USP42: variants seen among roughly 807,000 people sequenced by gnomAD.
The protein encoded by USP42 is ubiquitin specific peptidase 42.
In USP42, 23 loss-of-function variants were observed where a neutral mutation model predicts 113.0. The ratio of observed to expected loss-of-function variants is 0.20; its 90% CI spans 0.15 to 0.29. The LOEUF (loss-of-function observed/expected upper bound fraction) is 0.29, where lower values mean the gene tolerates loss of function less well. USP42 is among the 10% of genes least tolerant of loss of function. USP42 has a pLI of 1.00. For missense variants in USP42, 2,174 were observed against 1,779.8 expected (o/e 1.22, Z -3.99); for synonymous variants, 933 against 699.0 (o/e 1.33, Z -5.28).
chr7:6,095,664 G>T, the USP42 span, among the ~76,000 whole-genome samples: 2 of 150,918 alleles, frequency 1.3e-5, no homozygotes, highest in Non-Finnish European at 2.9e-5. Flanking sequence ...GCAAGACTCC[G>T]TCTAAAAAAC....
chr7:6,132,114 A>G (rs1780882165), intron 3 of USP42, among the ~76,000 whole-genome samples: 1 of 152,114 alleles, frequency 6.6e-6, no homozygotes, highest in Non-Finnish European at 1.5e-5. Context: ...TTGTAGAGAC[A>G]GGATTTTGGC....
rs988783059 is a variant in USP42, at chr7:6,159,335, G to C, written c.3944-115G>C. 16 of 1,394,774 alleles carry C rather than the reference G, an allele frequency of 1.1e-5. No individual in the cohort carries two copies. Among genetic ancestry groups the C allele is most frequent in the Admixed American group, 1.9e-5 (1 of 53,466 alleles). The allele number at this position is 1,394,774 out of a possible 1,614,324, so 86.4% of individuals were successfully genotyped here. A position where few individuals can be genotyped will look rare whatever the true frequency, so the allele number is the denominator to read the frequency against. On this transcript the variant is annotated intron_variant, in intron 16 of 17. Coordinates refer to ENST00000306177, the MANE Select transcript of USP42 (RefSeq NM_032172.3). The surrounding 1 kb of genome is among the most constrained non-coding windows in gnomAD (Gnocchi z 4.1). ...ACCTCACTGGGGAGTGGCCTCAGGC[G>C]CTCACAGGGAACCGCAGTGACTCTG...
intron 3 of USP42, among the ~76,000 whole-genome samples, chr7:6,127,356 G>A (rs1407925592): frequency 6.6e-6 from 1 of 151,974 alleles, no homozygotes; most frequent in Non-Finnish European, 1.5e-5. Context: ...ATATCTCTTT[G>A]CCTAGCTCTT....
intron 15 of USP42, 84 bp downstream of exon 15, chr7:6,155,279 A>C: frequency 6.9e-7 from 1 of 1,440,512 alleles, no homozygotes; most frequent in Non-Finnish European, 9.1e-7. Flanking sequence ...ACTCAGGAAC[A>C]AGTGACCAGC....
chr7:6,109,473 A>G (rs559266920), intron 1 of USP42, among the ~76,000 whole-genome samples: 70 of 152,148 alleles, frequency 4.6e-4, no homozygotes, highest in African/African-American at 1.6e-3. Flanking sequence ...GCTCACTGCA[A>G]TCTCTGCCTT....
At chr7:6,151,133 C>T (rs186301821) in intron 14 of USP42, among the ~76,000 whole-genome samples, 64 of 152,312 alleles carry the variant, frequency 4.2e-4, no homozygotes, top group African/African-American at 1.4e-3. Flanking sequence ...AAAACTGGCA[C>T]ACCTGCACAG....
chr7:6,159,418 T>G lies in USP42; in HGVS notation c.3944-32T>G. 1 of 1,613,826 alleles carries G rather than the reference T, an allele frequency of 6.2e-7. No homozygotes were observed. The highest frequency in any genetic ancestry group is 8.5e-7 in the Non-Finnish European group (1 of 1,179,848). Reference sequence around the variant, plus strand: ...GGCCCTGGCGATTTTGCAACCATCATTAAAATCTCTTTCCTGACCTTTGCT... The same window carrying G: ...GGCCCTGGCGATTTTGCAACCATCAGTAAAATCTCTTTCCTGACCTTTGCT... On this transcript the variant is annotated intron_variant, in intron 16 of 17. Coordinates refer to ENST00000306177, the MANE Select transcript of USP42 (RefSeq NM_032172.3). The surrounding 1 kb of genome is among the most constrained non-coding windows in gnomAD (Gnocchi z 4.1).
In USP42 at chr7:6,154,599, C is replaced by T. The variant is rs199684634; in HGVS notation, c.3045C>T (p.Gly1015=). ...RLSPGERRSL[G]RCSHHHSRHR... Reference sequence around the variant, plus strand: ...GCCCTGGCGAGCGCCGCTCTCTGGGCAGGTGCAGTCACCACCACTCCCGAC... The same window carrying T: ...GCCCTGGCGAGCGCCGCTCTCTGGGTAGGTGCAGTCACCACCACTCCCGAC... The change falls in exon 15 of 18, where the codon GGC becomes GGT. Residue 1015 remains glycine (G), a synonymous_variant. Transcript: ENST00000306177. 6.6e-3 allele frequency: 10,477 copies of T among 1,583,398 alleles called. 48 individuals carry two copies. Among genetic ancestry groups the T allele is most frequent in the Non-Finnish European group, 7.5e-3 (8,796 of 1,166,976 alleles).
chr7:6,111,870 C>T (rs1779616965), intron 2 of USP42: 1 of 153,604 alleles, frequency 6.5e-6, no homozygotes, highest in Admixed American at 6.5e-5. Context: ...ACCTCAGCGT[C>T]CTGAAGTGCT....
At chr7:6,124,636 A>G (rs1024304599) in intron 3 of USP42, among the ~76,000 whole-genome samples, 7 of 152,076 alleles carry the variant, frequency 4.6e-5, no homozygotes, top group Non-Finnish European at 1.0e-4. Context: ...TCTGCCTTTT[A>G]TTTTGAGGCA....
At chr7:6,102,109 ATTTT>A (rs370131326), upstream of USP42, among the ~76,000 whole-genome samples, 10 of 121,628 alleles carry the variant, frequency 8.2e-5, no homozygotes, top group Non-Finnish European at 6.6e-5. Flanking sequence ...GTCTCCTAAG[ATTTT>A]TTTTTTTTTT....
intron 2 of USP42, among the ~76,000 whole-genome samples, chr7:6,114,684 T>A (rs1341742707): frequency 1.0e-3 from 51 of 51,110 alleles, no homozygotes; most frequent in East Asian, 3.1e-3. Flanking sequence ...ATATATTTTT[T>A]TTTTTTTTTT....
At chr7:6,114,297 G>C (rs534795919) in intron 2 of USP42, among the ~76,000 whole-genome samples, 2 of 152,124 alleles carry the variant, frequency 1.3e-5, no homozygotes, top group Admixed American at 1.3e-4. Context: ...ATGTTACAAG[G>C]AATCAAATGT....
intron 9 of USP42, 94 bp from the exon 10 acceptor site, chr7:6,145,422 C>T: frequency 6.8e-7 from 1 of 1,468,720 alleles, no homozygotes; most frequent in Admixed American, 1.8e-5. Flanking sequence ...TTCTGTGGGT[C>T]TCCCCTCCTA....
At chr7:6,109,979 G>A (rs532571955) in intron 1 of USP42, among the ~76,000 whole-genome samples, 7 of 152,004 alleles carry the variant, frequency 4.6e-5, no homozygotes, top group Middle Eastern at 3.4e-3. Context: ...GGGATTACAG[G>A]TGTGCACCAC....
chr7:6,141,070 G>A, intron 7 of USP42, 86 bp downstream of exon 7: 1 of 632,532 alleles, frequency 1.6e-6, no homozygotes, highest in East Asian at 3.2e-5. Context: ...TAGACTACTT[G>A]TTAGAGAATA....
intron 2 of USP42, among the ~76,000 whole-genome samples, chr7:6,112,161 G>T (rs548161029): frequency 5.9e-5 from 9 of 152,190 alleles, no homozygotes; most frequent in African/African-American, 1.9e-4. Context: ...TTGAAAGAGA[G>T]CAGATAGGCT....
At chr7:6,110,500 A>T (rs914199311) in intron 1 of USP42, among the ~76,000 whole-genome samples, 2 of 152,186 alleles carry the variant, frequency 1.3e-5, no homozygotes, top group African/African-American at 4.8e-5. Context: ...TTTGAGTTTG[A>T]TATCAGTAAT....
At chr7:6,124,914 C>T (rs1233291515) in intron 3 of USP42, among the ~76,000 whole-genome samples, 1 of 152,112 alleles carries the variant, frequency 6.6e-6, no homozygotes, top group Non-Finnish European at 1.5e-5. Flanking sequence ...GTGCCAGTGG[C>T]TCATGCCTGT....
Sources: allele counts gnomAD v4.1 joint callset (sites outside exome capture counted in the v4.1 genomes callset), GRCh38; gene constraint gnomAD v4.1.1; non-coding constraint Gnocchi (gnomAD v3.1); transcripts MANE v1.5; gene names NCBI Gene and HGNC (gene_info 2026-07-23, HGNC 2026-07-21).